The following MDGA2 variants were observed in gnomAD, a reference collection of about 807,000 sequenced individuals.
The protein encoded by MDGA2 is MAM domain-containing glycosylphosphatidylinositol anchor protein 2.
In MDGA2, 40 loss-of-function variants were observed where a neutral mutation model predicts 117.8. That is an observed-to-expected ratio of 0.34 (90% CI 0.26 to 0.44). MDGA2 has a LOEUF of 0.44. Ranked by LOEUF, MDGA2 falls within the 20% of genes least tolerant of loss-of-function variation. The probability of loss-of-function intolerance (pLI) is 1.00; values close to 1 mark genes in which losing one functional copy is unlikely to be tolerated. For synonymous variants in MDGA2, 452 were observed against 439.0 expected (o/e 1.03, Z -0.37); for missense variants, 1,123 against 1,250.6 (o/e 0.90, Z 1.54).
At chr14:47,103,309 AT>A (rs1403222320) in intron 5 of MDGA2, among the ~76,000 whole-genome samples, 1 of 152,230 alleles carries the variant, frequency 6.6e-6, no homozygotes, top group Non-Finnish European at 1.5e-5. Context: ...CATATATTTC[AT>A]TGAAATTCAT....
chr14:47,139,804 G>GTATA lies in MDGA2; in HGVS notation c.792+4270_792+4273dup, dbSNP rs34290479. 1.1e-3 allele frequency among the ~76,000 whole-genome samples: 157 copies of GTATA among 143,172 alleles called. 1 individual carries two copies. Among genetic ancestry groups the GTATA allele is most frequent in the South Asian group, 1.5e-3 (7 of 4,598 alleles). The allele number at this position is 143,172 out of a possible 152,430, so 93.9% of individuals were successfully genotyped here. On this transcript the variant is annotated intron_variant, in intron 4 of 16. Coordinates refer to ENST00000399232, the MANE Select transcript of MDGA2 (RefSeq NM_001113498.3). ...CACAAATATATATGTGTATATATAT[G>GTATA]TATATATATACACACATATATATAC...
At chr14:47,018,854 A>G (rs1246684254) in intron 8 of MDGA2, among the ~76,000 whole-genome samples, 1 of 151,474 alleles carries the variant, frequency 6.6e-6, no homozygotes, top group Non-Finnish European at 1.5e-5. Context: ...GTTGAACTCA[A>G]ATGTAAAAAC....
At chr14:47,551,376 G>T (rs1158629699) in intron 1 of MDGA2, among the ~76,000 whole-genome samples, 2 of 152,052 alleles carry the variant, frequency 1.3e-5, no homozygotes, top group Admixed American at 6.6e-5. Context: ...ATGCTTTTCT[G>T]TTCTATCAAA....
At position 47,000,389 on chromosome 14, in the gene MDGA2, ATT is replaced by A. The variant is rs1486868423; in HGVS notation, c.1819+34620_1819+34621del. 8.0e-5 allele frequency among the ~76,000 whole-genome samples: 4 copies of A among 50,282 alleles called. 1 individual carries two copies. Among genetic ancestry groups the A allele is most frequent in the South Asian group, 1.3e-3 (2 of 1,534 alleles). 33.0% of individuals were successfully genotyped at this position (50,282 alleles called of 152,430 possible). On this transcript the variant is annotated intron_variant, in intron 8 of 16. Transcript: ENST00000399232. ...TGTATATATATATTTATATATATAT[ATT>A]TATATATAAATATATATTTATATAT...
intron 1 of MDGA2, among the ~76,000 whole-genome samples, chr14:47,330,016 T>C (rs1194723166): frequency 6.6e-6 from 1 of 152,024 alleles, no homozygotes; most frequent in African/African-American, 2.4e-5. Flanking sequence ...CTGATGTTTA[T>C]TTTCTTAAAA....
intron 1 of MDGA2, among the ~76,000 whole-genome samples, chr14:47,492,273 CAACT>C: frequency 6.6e-6 from 1 of 152,160 alleles, no homozygotes; most frequent in East Asian, 1.9e-4. Context: ...TTGGTGTCAA[CAACT>C]AACACAATGG....
At chr14:47,619,116 T>TATACACACACAC (rs140667074) in intron 1 of MDGA2, among the ~76,000 whole-genome samples, 2,397 of 90,746 alleles carry the variant, frequency 0.026, 28 homozygotes, top group African/African-American at 0.05. Flanking sequence ...TCAGTTTAAT[T>TATACACACACAC]ACACACACAC....
At chr14:47,507,212 G>A (rs990106521) in intron 1 of MDGA2, among the ~76,000 whole-genome samples, 1 of 152,074 alleles carries the variant, frequency 6.6e-6, no homozygotes, top group Non-Finnish European at 1.5e-5. Context: ...TATAACAAAG[G>A]ACTATCCAGC....
chr14:47,014,129 C>T (rs1161329838), intron 8 of MDGA2, among the ~76,000 whole-genome samples: 1 of 151,908 alleles, frequency 6.6e-6, no homozygotes, highest in Non-Finnish European at 1.5e-5. Flanking sequence ...TATTGAGTGA[C>T]CAGGTGCATT....
At chr14:47,278,729 A>T (rs915259786) in intron 2 of MDGA2, among the ~76,000 whole-genome samples, 1 of 152,212 alleles carries the variant, frequency 6.6e-6, no homozygotes, top group Non-Finnish European at 1.5e-5. Context: ...TATGACACAC[A>T]ATTCAAAAGA....
At chr14:47,383,596 T>C (rs913295197) in intron 1 of MDGA2, among the ~76,000 whole-genome samples, 1 of 152,144 alleles carries the variant, frequency 6.6e-6, no homozygotes, top group African/African-American at 2.4e-5. Context: ...TGGAGTGCAG[T>C]GGCATGATCT....
chr14:47,501,576 AT>A (rs1894401099), intron 1 of MDGA2, among the ~76,000 whole-genome samples: 3 of 152,310 alleles, frequency 2.0e-5, no homozygotes, highest in Admixed American at 1.3e-4. Context: ...ATAGAAAGTC[AT>A]TACAGAGGTA....
At chr14:47,423,321 A>G (rs992921383) in intron 1 of MDGA2, among the ~76,000 whole-genome samples, 2 of 152,198 alleles carry the variant, frequency 1.3e-5, no homozygotes, top group African/African-American at 4.8e-5. Context: ...CCTCTTCCAT[A>G]CTAAGTAACT....
chr14:47,242,708 C>T (rs1161152768), intron 2 of MDGA2, among the ~76,000 whole-genome samples: 5 of 151,826 alleles, frequency 3.3e-5, no homozygotes, highest in African/African-American at 1.2e-4. Flanking sequence ...CTGCAGCCCG[C>T]CATGCCTGAG....
chr14:47,135,208 G>A (rs888751965), intron 4 of MDGA2, among the ~76,000 whole-genome samples: 4 of 151,870 alleles, frequency 2.6e-5, no homozygotes, highest in Admixed American at 6.6e-5. Flanking sequence ...CTCGTATATA[G>A]GCAATTAATT....
intron 8 of MDGA2, among the ~76,000 whole-genome samples, chr14:46,979,371 C>T (rs1886583467): frequency 6.6e-6 from 1 of 152,008 alleles, no homozygotes; most frequent in Non-Finnish European, 1.5e-5. Flanking sequence ...CCTACAATGG[C>T]CTTTAAGTGT....
At chr14:47,400,028 T>C (rs1001124003) in intron 1 of MDGA2, among the ~76,000 whole-genome samples, 25 of 152,284 alleles carry the variant, frequency 1.6e-4, no homozygotes, top group African/African-American at 5.3e-4. Context: ...ACAATGTTCT[T>C]CCAGTTTGAA....
chr14:47,622,539 A>G (rs879835763), intron 1 of MDGA2, among the ~76,000 whole-genome samples: 3 of 152,220 alleles, frequency 2.0e-5, no homozygotes, highest in African/African-American at 4.8e-5. Flanking sequence ...AGAATGTTTC[A>G]GGTAGAGCAG....
chr14:47,052,160 G>T (rs1889481437), intron 7 of MDGA2, among the ~76,000 whole-genome samples: 1 of 151,852 alleles, frequency 6.6e-6, no homozygotes, highest in Admixed American at 6.6e-5. Context: ...TCATTGGATT[G>T]GAGAATTTTA....
Sources: allele counts gnomAD v4.1 joint callset (sites outside exome capture counted in the v4.1 genomes callset), GRCh38; gene constraint gnomAD v4.1.1; transcripts MANE v1.5; gene names NCBI Gene and HGNC (gene_info 2026-07-23, HGNC 2026-07-21).